Variants in NUP155 observed in about 807,000 individuals in gnomAD.
NUP155 encodes nucleoporin 155, also known as nuclear pore complex protein Nup155.
NUP155 carries 71 observed loss-of-function variants against 180.4 expected under a neutral mutation model. The ratio of observed to expected loss-of-function variants is 0.39; its 90% CI spans 0.33 to 0.48. The LOEUF is 0.48. Ranked by LOEUF, NUP155 falls within the 20% of genes least tolerant of loss-of-function variation. NUP155 has a pLI of 0.91. For synonymous variants in NUP155, 582 were observed against 559.5 expected, an observed-to-expected ratio of 1.04 and a Z score of -0.57; for missense variants, 1,553 against 1,648.9, an observed-to-expected ratio of 0.94 and a Z score of 1.01.
intron 33 of NUP155, among the ~76,000 whole-genome samples, chr5:37,294,020 A>AAAAAAAAAAAAAAAAAAAAAAT: frequency 1.3e-5 from 1 of 76,016 alleles, no homozygotes; most frequent in Non-Finnish European, 2.1e-5. Context: ...AAAAAAAAAA[A>AAAAAAAAAAAAAAAAAAAAAAT]AAAAAAAATA....
In NUP155 at chr5:37,311,663, AT is replaced by A. The variant is rs113486759; in HGVS notation, c.2437-921del. Among the ~76,000 whole-genome samples the A allele has an allele frequency of 6.4e-3, 912 of 142,824 alleles. 1 individual carries two copies. Among genetic ancestry groups the A allele is most frequent in the African/African-American group, 9.2e-3 (358 of 38,996 alleles). The allele number at this position is 142,824 out of a possible 152,430, so 93.7% of individuals were successfully genotyped here. A position where few individuals can be genotyped will look rare whatever the true frequency, so the allele number is the denominator to read the frequency against. On this transcript the variant is annotated intron_variant, in intron 22 of 34. Coordinates refer to ENST00000231498, the MANE Select transcript of NUP155 (RefSeq NM_153485.3). ...TATCCATACAGGACAAGGAAAAAGAATTTTTTTTTTTTTTTTTACAGAATTG... is the reference window on the plus strand; with the variant it reads ...TATCCATACAGGACAAGGAAAAAGAATTTTTTTTTTTTTTTTACAGAATTG...
At chr5:37,332,657 T>C (rs1745055595) in intron 13 of NUP155, among the ~76,000 whole-genome samples, 2 of 152,114 alleles carry the variant, frequency 1.3e-5, no homozygotes, top group African/African-American at 2.4e-5. Context: ...GCTTTTCAAC[T>C]ATGACATATT....
rs760340623 is a variant in NUP155, at chr5:37,309,097, G to A, written c.2767+32C>T. 1.6e-5 allele frequency: 26 copies of A among 1,607,388 alleles called. No individual in the cohort carries two copies. In the South Asian group the frequency reaches 2.6e-4, roughly 16 times the overall value. On this transcript the variant is annotated intron_variant, in intron 24 of 34. Coordinates refer to ENST00000231498, the MANE Select transcript of NUP155 (RefSeq NM_153485.3). ...CACTATTGTTTGTCTTTTGAGTTGA[G>A]TAAAAGATACAAGAAACATTTTATT...
chr5:37,297,185 C>A, intron 32 of NUP155, among the ~76,000 whole-genome samples: 1 of 152,090 alleles, frequency 6.6e-6, no homozygotes, highest in East Asian at 1.9e-4. Context: ...CCATGCCTAG[C>A]TAATCTTAAT....
In NUP155 at chr5:37,357,708, T is replaced by C. The variant is rs572435480; in HGVS notation, c.463+373A>G. On this transcript the variant is annotated intron_variant, in intron 4 of 34. Transcript: ENST00000231498. The stretch of plus-strand genomic sequence containing the variant: ...AATACAATTGTTTAAAAAAGGGTGT[T>C]GTCAGCCAGGCGCGGTGGCTTACAT... Among the ~76,000 whole-genome samples the C allele has an allele frequency of 1.1e-4, 16 of 152,256 alleles. No individual in the cohort carries two copies. In the Middle Eastern group the frequency reaches 0.014, roughly 129 times the overall value.
intron 30 of NUP155, among the ~76,000 whole-genome samples, chr5:37,300,112 T>C (rs1036332397): frequency 2.0e-5 from 3 of 152,074 alleles, no homozygotes; most frequent in African/African-American, 4.8e-5. Context: ...GGGAAGAAGA[T>C]GTTGCAACGA....
intron 12 of NUP155, 72 bp from the exon 13 acceptor site, chr5:37,333,705 T>G: frequency 2.8e-6 from 3 of 1,080,158 alleles, no homozygotes; most frequent in Non-Finnish European, 4.1e-6. Flanking sequence ...ACTACAGACT[T>G]AATAAAGAAG....
rs1392624600 is a variant in NUP155 at position 37,294,433 on chromosome 5, A to T, written c.3826T>A (p.Cys1276Ser). ...FIVQFLEQQV[C>S]TLNWDVGFVI... ...AAGCCCACATCCCAGTTCAAAGTAC[A>T]AACCTGCTGTTCTAAAAACTGTACA... Residue 1276 changes from cysteine to serine, a missense_variant, in exon 33 of 35, where the codon TGT becomes AGT. By Grantham distance (112) the Cys-to-Ser change is moderately radical (BLOSUM62 -1). Transcript: ENST00000231498. 5.6e-6 allele frequency: 9 copies of T among 1,613,798 alleles called. No individual in the cohort carries two copies. Among genetic ancestry groups the T allele is most frequent in the Non-Finnish European group, 7.6e-6 (9 of 1,179,810 alleles).
At chr5:37,301,201 C>A in intron 30 of NUP155, 2 of 446,992 alleles carry the variant, frequency 4.5e-6, no homozygotes, top group Non-Finnish European at 8.3e-6. Flanking sequence ...ACACAGCTCT[C>A]ATGCGAGGAT....
intron 1 of NUP155, among the ~76,000 whole-genome samples, chr5:37,369,085 C>A (rs948598878): frequency 6.6e-6 from 1 of 151,966 alleles, no homozygotes; most frequent in African/African-American, 2.4e-5. Flanking sequence ...GACTACGTCT[C>A]TACATAAAAA....
At chr5:37,346,085 A>G (rs1746064683) in intron 9 of NUP155, among the ~76,000 whole-genome samples, 2 of 152,208 alleles carry the variant, frequency 1.3e-5, no homozygotes, top group Non-Finnish European at 2.9e-5. Flanking sequence ...CAAAACAAAA[A>G]GGCTGAGCAA....
chr5:37,365,252 C>T (rs563792863), intron 1 of NUP155, among the ~76,000 whole-genome samples: 12 of 141,458 alleles, frequency 8.5e-5, no homozygotes, highest in Non-Finnish European at 1.6e-4. Flanking sequence ...GGGCAAGACT[C>T]TGTCTCAAAA....
intron 11 of NUP155, among the ~76,000 whole-genome samples, chr5:37,338,916 A>G (rs1422637286): frequency 2.0e-5 from 3 of 152,122 alleles, no homozygotes; most frequent in African/African-American, 7.2e-5. Context: ...ATTTTATAAA[A>G]ATATACTTAG....
chr5:37,324,821 C>T (rs1360144520), intron 19 of NUP155, among the ~76,000 whole-genome samples: 1 of 152,116 alleles, frequency 6.6e-6, no homozygotes, highest in Non-Finnish European at 1.5e-5. Flanking sequence ...CAGGCACGGG[C>T]CACTGTGCCC....
intron 18 of NUP155, 64 bp from the exon 19 acceptor site, chr5:37,326,031 T>C (rs941503542): frequency 1.0e-5 from 12 of 1,154,972 alleles, no homozygotes; most frequent in Non-Finnish European, 1.6e-5. Context: ...AATAAATTTC[T>C]TTCTCTAGGA....
chr5:37,360,198 C>A (rs111579884), intron 3 of NUP155, among the ~76,000 whole-genome samples: 3 of 152,006 alleles, frequency 2.0e-5, no homozygotes, highest in African/African-American at 7.2e-5. Context: ...AAGAAGTCAG[C>A]GAGGCTGGGT....
At chr5:37,347,501 G>C (rs904673451) in intron 9 of NUP155, among the ~76,000 whole-genome samples, 75 of 150,894 alleles carry the variant, frequency 5.0e-4, no homozygotes, top group African/African-American at 1.6e-3. Context: ...TTCGAGACCA[G>C]CCTGACCAAC....
chr5:37,364,082 A>G, intron 2 of NUP155, 98 bp from the exon 3 acceptor site: 2 of 1,139,364 alleles, frequency 1.8e-6, no homozygotes, highest in Non-Finnish European at 2.7e-6. Context: ...AAAAATCACA[A>G]TGTGTCCACT....
At chr5:37,364,542 C>T (rs542003508) in intron 1 of NUP155, among the ~76,000 whole-genome samples, 158 bp from the exon 2 acceptor site, 256 of 152,224 alleles carry the variant, frequency 1.7e-3, no homozygotes, top group African/African-American at 5.6e-3. Context: ...TGAAATATTC[C>T]CTTGTGAAGG....
Sources: allele counts gnomAD v4.1 joint callset (sites outside exome capture counted in the v4.1 genomes callset), GRCh38; gene constraint gnomAD v4.1.1; transcripts MANE v1.5; gene names NCBI Gene and HGNC (gene_info 2026-07-23, HGNC 2026-07-21).